WAC: variants seen among roughly 807,000 people sequenced by gnomAD.
The protein encoded by WAC is WW domain-containing adapter protein with coiled-coil.
Under a neutral mutation model 79.6 loss-of-function variants are expected in WAC, and 11 were observed. The observed-to-expected ratio is 0.14, with a 90% CI of 0.09 to 0.23. The LOEUF (loss-of-function observed/expected upper bound fraction) is 0.23. Among genes scored for constraint, WAC ranks in the 10% least tolerant of loss-of-function variants. The pLI is 1.00. For missense variants in WAC, 728 were observed against 773.5 expected, an observed-to-expected ratio of 0.94 and a Z score of 0.70; for synonymous variants, 304 against 276.9, an observed-to-expected ratio of 1.10 and a Z score of -0.97.
chr10:28,571,099 A>G (rs2132548422), intron 3 of WAC, among the ~76,000 whole-genome samples: 1 of 151,670 alleles, frequency 6.6e-6, no homozygotes, highest in Admixed American at 6.6e-5. Context: ...CTGGGACTAC[A>G]GGCGCTCGCC....
At position 28,533,635 on chromosome 10, in the gene WAC, C is replaced by G. The variant is rs754558861; in HGVS notation, c.41+15C>G. 2.5e-6 allele frequency: 4 copies of G among 1,575,910 alleles called. No individual in the cohort carries two copies. Among genetic ancestry groups the G allele is most frequent in the African/African-American group, 2.8e-5 (2 of 71,830 alleles). On this transcript the variant is annotated intron_variant, in intron 1 of 13. Transcript: ENST00000354911. ...CTCAGTGATGGGTAAATTGTCTTTT[C>G]GTTTCGGGCCGGGCGGCGGCGGGGG...
chr10:28,593,901 G>A (rs1840224552), intron 6 of WAC, among the ~76,000 whole-genome samples: 1 of 152,120 alleles, frequency 6.6e-6, no homozygotes, highest in Non-Finnish European at 1.5e-5. Context: ...CTTACTTAGG[G>A]TTTCTCAACA....
chr10:28,578,138 A>T (rs904420492), intron 3 of WAC, among the ~76,000 whole-genome samples: 1 of 152,184 alleles, frequency 6.6e-6, no homozygotes, highest in Non-Finnish European at 1.5e-5. Context: ...CAGCTTGGGT[A>T]ACTGAGAGAT....
intron 4 of WAC, among the ~76,000 whole-genome samples, chr10:28,587,382 A>G (rs1839873290): frequency 6.6e-6 from 1 of 152,198 alleles, no homozygotes; most frequent in African/African-American, 2.4e-5. Flanking sequence ...CCTCTGGGTA[A>G]ACTTCACTGT....
intron 3 of WAC, among the ~76,000 whole-genome samples, chr10:28,568,987 A>G (rs1344427121): frequency 2.6e-5 from 4 of 152,222 alleles, no homozygotes; most frequent in Admixed American, 6.5e-5. Flanking sequence ...ATTACATACA[A>G]TATATGCATT....
chr10:28,538,581 CAAAAAAAAAAA>C (rs34777121), intron 3 of WAC, among the ~76,000 whole-genome samples: 2 of 98,290 alleles, frequency 2.0e-5, no homozygotes, highest in African/African-American at 8.4e-5. Flanking sequence ...GACCCTGTCT[CAAAAAAAAAAA>C]AAAAAAAAAG....
intron 3 of WAC, among the ~76,000 whole-genome samples, chr10:28,581,283 CATT>C (rs1319990301): frequency 1.8e-5 from 2 of 109,284 alleles, no homozygotes; most frequent in Non-Finnish European, 1.7e-5. Flanking sequence ...GACGGGTTCT[CATT>C]ATATCACCCA....
chr10:28,535,124 T>G (rs1433210840), intron 2 of WAC: 2 of 151,846 alleles, frequency 1.3e-5, no homozygotes, highest in Non-Finnish European at 2.9e-5. Flanking sequence ...GTGGGTTTTT[T>G]TTTTTTTTTT....
At chr10:28,585,361 C>T (rs557932119) in intron 4 of WAC, among the ~76,000 whole-genome samples, 2 of 152,088 alleles carry the variant, frequency 1.3e-5, no homozygotes, top group East Asian at 3.9e-4. Context: ...GCCTTTCATT[C>T]GTCTAATGCT....
intron 3 of WAC, 116 bp downstream of exon 3, chr10:28,535,873 A>G: frequency 1.1e-6 from 1 of 880,500 alleles, no homozygotes; most frequent in Middle Eastern, 3.3e-4. Context: ...TCATTAAAAT[A>G]TTTTAATCCT....
intron 3 of WAC, among the ~76,000 whole-genome samples, chr10:28,579,810 T>G (rs945475236): frequency 6.6e-6 from 1 of 152,172 alleles, no homozygotes; most frequent in Admixed American, 6.5e-5. Flanking sequence ...GCTTTTATTC[T>G]GAGACATTTA....
rs776270189 is a variant in WAC at position 28,533,555 on chromosome 10, A to G, written c.-25A>G. The G allele has an allele frequency of 1.2e-5, 17 of 1,428,660 alleles. No homozygotes were observed. Among genetic ancestry groups the G allele is most frequent in the Non-Finnish European group, 1.6e-5 (17 of 1,073,562 alleles). 88.5% of individuals were successfully genotyped at this position (1,428,660 alleles called of 1,614,324 possible). ...TCGCGGCCGCTCTCCCCCCTCCCCG[A>G]CACACACTCACAGGCCGGGCATTGA... On this transcript the variant is annotated 5_prime_UTR_variant, in exon 1 of 14. Transcript: ENST00000354911.
chr10:28,566,432 G>GCTATTGAT (rs1487170065), intron 3 of WAC, among the ~76,000 whole-genome samples: 2 of 152,166 alleles, frequency 1.3e-5, no homozygotes, highest in Non-Finnish European at 2.9e-5. Context: ...AATCAGAGTG[G>GCTATTGAT]CTATTGATCT....
chr10:28,548,347 CT>C (rs1247780992), intron 3 of WAC, among the ~76,000 whole-genome samples: 1 of 152,108 alleles, frequency 6.6e-6, no homozygotes, highest in Non-Finnish European at 1.5e-5. Context: ...TTGTTTCTAA[CT>C]TTTCTCCTTT....
At chr10:28,566,811 A>T (rs1356844398) in intron 3 of WAC, among the ~76,000 whole-genome samples, 1 of 152,206 alleles carries the variant, frequency 6.6e-6, no homozygotes, top group African/African-American at 2.4e-5. Flanking sequence ...CAGCAGCTCC[A>T]CCAGGATATG....
Position 28,620,054 on chromosome 10 carries a change from T to G in WAC, c.*448T>G, listed in dbSNP as rs1441640554. 6.5e-6 allele frequency: 1 copy of G among 153,316 alleles called. No individual in the cohort carries two copies. The highest frequency in any genetic ancestry group is 1.9e-4 in the East Asian group (1 of 5,240). 9.5% of individuals were successfully genotyped at this position (153,316 alleles called of 1,614,324 possible). ...GTGCAAGCGCCAGGCGATTTGTGTCTAAGGATACGATTTTGAACCATATGG... is the reference window on the plus strand; with the variant it reads ...GTGCAAGCGCCAGGCGATTTGTGTCGAAGGATACGATTTTGAACCATATGG... On this transcript the variant is annotated 3_prime_UTR_variant, in exon 14 of 14. Coordinates refer to ENST00000354911, the MANE Select transcript of WAC (RefSeq NM_016628.5).
rs1446529359 is a variant in WAC at position 28,620,686 on chromosome 10, G to A, written c.*1080G>A. On this transcript the variant is annotated 3_prime_UTR_variant, in exon 14 of 14. Transcript: ENST00000354911. ...GGTTTTGTTTAAAACGTATTAACAG[G>A]AAATTGTGTATGAGATATTTAATGA... 1 of 152,174 alleles carries A rather than the reference G, an allele frequency of 6.6e-6. No individual in the cohort carries two copies. The highest frequency in any genetic ancestry group is 1.5e-5 in the Non-Finnish European group (1 of 68,022). The allele number at this position is 152,174 out of a possible 1,614,324, so 9.4% of individuals were successfully genotyped here.
chr10:28,571,601 T>TCAGACAGA (rs1488705759), intron 3 of WAC, among the ~76,000 whole-genome samples: 1 of 152,250 alleles, frequency 6.6e-6, no homozygotes, highest in Non-Finnish European at 1.5e-5. Context: ...CTTGCCTTAC[T>TCAGACAGA]TTACTATCTT....
intron 6 of WAC, 35 bp from the exon 7 acceptor site, chr10:28,595,698 T>C (rs2132708250): frequency 1.3e-6 from 2 of 1,592,306 alleles, no homozygotes; most frequent in East Asian, 4.5e-5. Flanking sequence ...CCTTCTGTCA[T>C]TCCAACATCT....
Sources: allele counts gnomAD v4.1 joint callset (sites outside exome capture counted in the v4.1 genomes callset), GRCh38; gene constraint gnomAD v4.1.1; transcripts MANE v1.5; gene names NCBI Gene and HGNC (gene_info 2026-07-23, HGNC 2026-07-21).